KHDC1: variants seen among roughly 807,000 people sequenced by gnomAD.
KHDC1 encodes the protein KH homology domain-containing protein 1.
A neutral mutation model predicts 24.7 loss-of-function variants in KHDC1; 21 were observed. The observed-to-expected ratio is 0.85, with a 90% CI of 0.60 to 1.23. The LOEUF (loss-of-function observed/expected upper bound fraction) is 1.23, where lower values mean the gene tolerates loss of function less well. Ranked by LOEUF, KHDC1 falls within the 50% of genes most tolerant of loss-of-function variation. The probability of loss-of-function intolerance (pLI) is 0.00; values close to 1 mark genes in which losing one functional copy is unlikely to be tolerated. For missense variants in KHDC1, 274 were observed against 298.5 expected (o/e 0.92, Z 0.61); for synonymous variants, 98 against 111.7 (o/e 0.88, Z 0.77).
chr6:73,280,623 T>G (rs2150670004), intron 2 of KHDC1, among the ~76,000 whole-genome samples: 1 of 150,288 alleles, frequency 6.7e-6, no homozygotes, highest in African/African-American at 2.4e-5. Context: ...CAGGTTCAAG[T>G]GATTCTCCTG....
At chr6:73,267,750 G>A (rs1239069627) in intron 2 of KHDC1, among the ~76,000 whole-genome samples, 1 of 152,100 alleles carries the variant, frequency 6.6e-6, no homozygotes, top group Non-Finnish European at 1.5e-5. Context: ...TATTCACAGT[G>A]GCCAAAATGT....
intron 1 of KHDC1, among the ~76,000 whole-genome samples, chr6:73,306,314 C>T (rs924046242): frequency 6.6e-6 from 1 of 152,024 alleles, no homozygotes; most frequent in East Asian, 1.9e-4. Flanking sequence ...ATCAACTCTG[C>T]CCTCCCTCAC....
intron 2 of KHDC1, among the ~76,000 whole-genome samples, chr6:73,257,886 T>C (rs945329867): frequency 3.3e-5 from 5 of 152,050 alleles, no homozygotes; most frequent in African/African-American, 1.2e-4. Context: ...GACAAGAGAA[T>C]TGCTTGAGGC....
chr6:73,309,919 A>G (rs1768050081), exon 1 of KHDC1: 1 of 544,354 alleles, frequency 1.8e-6, no homozygotes, highest in South Asian at 2.6e-5. Flanking sequence ...CGCCACCGCG[A>G]GAAGTGGGCA....
chr6:73,303,952 G>T (rs568091115), intron 1 of KHDC1, among the ~76,000 whole-genome samples: 12 of 152,188 alleles, frequency 7.9e-5, no homozygotes, highest in Non-Finnish European at 1.3e-4. Flanking sequence ...GCCAAGGTGG[G>T]TGGATCACCT....
At chr6:73,242,381 G>A (rs763159474) in intron 3 of KHDC1, 25 bp downstream of exon 2, 25 of 1,613,908 alleles carry the variant, frequency 1.5e-5, no homozygotes, top group East Asian at 4.5e-5. Context: ...GGATGAAGAA[G>A]GGGACGTGGG....
At chr6:73,262,659 T>C in intron 2 of KHDC1, 115 bp downstream of exon 1, 1 of 800,082 alleles carries the variant, frequency 1.2e-6, no homozygotes, top group Non-Finnish European at 1.5e-6. Context: ...CTCTTTATAC[T>C]GCTATCTCCT....
chr6:73,253,943 C>T (rs965205208), intron 2 of KHDC1, among the ~76,000 whole-genome samples: 2 of 151,946 alleles, frequency 1.3e-5, no homozygotes, highest in African/African-American at 2.4e-5. Flanking sequence ...CAACAAAAAA[C>T]AGTAAAATTA....
chr6:73,249,878 G>T (rs1766747712), intron 2 of KHDC1, among the ~76,000 whole-genome samples: 1 of 152,068 alleles, frequency 6.6e-6, no homozygotes, highest in Admixed American at 6.6e-5. Flanking sequence ...GCCTCCCAAA[G>T]CACTGGCATT....
At chr6:73,297,983 G>A (rs2041259152) in intron 1 of KHDC1, among the ~76,000 whole-genome samples, 2 of 152,086 alleles carry the variant, frequency 1.3e-5, no homozygotes, top group Non-Finnish European at 2.9e-5. Context: ...ATGACTCCGG[G>A]AGTTTGAGAC....
intron 2 of KHDC1, among the ~76,000 whole-genome samples, chr6:73,267,592 A>G (rs1767096986): frequency 6.6e-6 from 1 of 152,244 alleles, no homozygotes; most frequent in Non-Finnish European, 1.5e-5. Flanking sequence ...TGGTGCAGCC[A>G]CTGTGGAAAA....
intron 1 of KHDC1, chr6:73,300,693 G>A (rs1767857569): frequency 6.6e-6 from 1 of 152,120 alleles, no homozygotes; most frequent in South Asian, 2.1e-4. Context: ...GCATCCATAA[G>A]CCCTGTATGC....
At chr6:73,263,622 G>A (rs1464169390) in intron 2 of KHDC1, among the ~76,000 whole-genome samples, 2 of 122,490 alleles carry the variant, frequency 1.6e-5, no homozygotes, top group African/African-American at 5.7e-5. Flanking sequence ...GGGGGGGGGG[G>A]TGACCCAGGC....
chr6:73,271,311 A>G (rs896212486), intron 2 of KHDC1, among the ~76,000 whole-genome samples: 2 of 151,430 alleles, frequency 1.3e-5, no homozygotes, highest in African/African-American at 4.9e-5. Context: ...TCTGGGTCCA[A>G]GTGATTTTCT....
At chr6:73,290,687 C>G (rs558278621) in intron 2 of KHDC1, 2 of 455,950 alleles carry the variant, frequency 4.4e-6, no homozygotes, top group South Asian at 3.4e-5. Context: ...GCTGCTGCTG[C>G]TGGAGCCACA....
At chr6:73,276,948 AAAAAGGTGAAGAATTAC>A (rs1285691667) in intron 2 of KHDC1, among the ~76,000 whole-genome samples, 7 of 152,348 alleles carry the variant, frequency 4.6e-5, no homozygotes, top group African/African-American at 1.2e-4. Context: ...CACATGAAGA[AAAAAGGTGAAGAATTAC>A]AAAAGGTTGG....
chr6:73,281,229 C>T (rs1767400007), intron 2 of KHDC1, among the ~76,000 whole-genome samples: 1 of 151,984 alleles, frequency 6.6e-6, no homozygotes. Context: ...ATCCCAGCTA[C>T]TCAGGAGGCT....
At chr6:73,268,876 T>G (rs2150593362) in intron 2 of KHDC1, 1 of 153,634 alleles carries the variant, frequency 6.5e-6, no homozygotes, top group African/African-American at 2.4e-5. Flanking sequence ...GCGGTCGCAC[T>G]CCTCAGCCCT....
intron 2 of KHDC1, among the ~76,000 whole-genome samples, chr6:73,253,927 TAAC>T (rs1030231842): frequency 1.3e-5 from 2 of 151,244 alleles, no homozygotes; most frequent in Non-Finnish European, 3.0e-5. Flanking sequence ...GCAACAACAA[TAAC>T]AACAACAAAA....
Sources: gnomAD v4.1 joint callset for allele counts (sites outside exome capture counted in the v4.1 genomes callset) on GRCh38, gnomAD v4.1.1 for gene constraint, MANE v1.5 for transcripts, NCBI Gene and HGNC (gene_info 2026-07-23, HGNC 2026-07-21) for gene names.